CNTROB: variants seen among roughly 807,000 people sequenced by gnomAD.
CNTROB encodes centrobin.
In CNTROB, 82 loss-of-function variants were observed where a neutral mutation model predicts 115.7. The ratio of observed to expected loss-of-function variants is 0.71; its 90% CI spans 0.59 to 0.85. The LOEUF is 0.85. CNTROB is among the 40% of genes least tolerant of loss of function. The pLI is 0.00. For missense variants in CNTROB, 1,014 were observed against 1,144.4 expected (o/e 0.89, Z 1.64); for synonymous variants, 439 against 456.4 (o/e 0.96, Z 0.49).
chr17:7,938,487 G>A (rs11078717), intron 7 of CNTROB, among the ~76,000 whole-genome samples: 72,772 of 152,036 alleles, frequency 0.48, 17,988 homozygotes, highest in East Asian at 0.76. Context: ...ATTATAGGCT[G>A]GATATTCTAG....
chr17:7,948,714 T>C lies in CNTROB; in HGVS notation c.2513+95T>C. The C allele has an allele frequency of 1.9e-6, 3 of 1,611,788 alleles. No individual in the cohort carries two copies. Among genetic ancestry groups the C allele is most frequent in the Admixed American group, 3.3e-5 (2 of 59,960 alleles). ...TGTTTTACACTGAATTGAATCGTTG[T>C]CCTTTTCTGGGGAGGAAAGTGAAGG... On this transcript the variant is annotated intron_variant, in intron 17 of 18. Transcript: ENST00000563694. The surrounding 1 kb of genome is among the most constrained non-coding windows in gnomAD (Gnocchi z 4.4).
Position 7,933,110 on chromosome 17 carries a change from C to T in CNTROB, c.31C>T (p.Pro11Ser), listed in dbSNP as rs1262247380. ...AACATCAGCTGACAGCCCCAGTTCA[C>T]CCCTCGGGGCGGAGGATCTCCTGAG... MATSADSPSS[P>S]LGAEDLLSDS... The change falls in exon 1 of 19, where the codon CCC (proline) becomes TCC (serine). Residue 11 changes from proline to serine, a missense_variant. Coordinates refer to ENST00000563694, the MANE Select transcript of CNTROB (RefSeq NM_053051.5). The T allele has an allele frequency of 8.7e-6, 14 of 1,613,996 alleles. No homozygotes were observed. The highest frequency in any genetic ancestry group is 1.2e-5 in the Non-Finnish European group (14 of 1,180,008).
Position 7,943,567 on chromosome 17 carries a change from C to T in CNTROB, c.1445+43C>T, listed in dbSNP as rs780494696. The T allele has an allele frequency of 3.2e-5, 51 of 1,585,168 alleles. No homozygotes were observed. The Admixed American group carries it at 6.8e-4, about 21-fold the overall frequency. On this transcript the variant is annotated intron_variant, in intron 10 of 18. Coordinates refer to ENST00000563694, the MANE Select transcript of CNTROB (RefSeq NM_053051.5). This position sits in a 1 kb window ranked among gnomAD's most constrained non-coding sequence, Gnocchi z 4.7. ...GGTGTCACTTCTCTCAGCCACAGCA[C>T]GTATCGTTAGTGCCAGGCCTGTGTT... is the stretch of plus-strand genomic sequence containing the variant.
In CNTROB at chr17:7,944,678, C is replaced by CTATTTT. The variant is rs747649949; in HGVS notation, c.1734+54_1734+59dup. On this transcript the variant is annotated intron_variant, in intron 12 of 18. Coordinates refer to ENST00000563694, the MANE Select transcript of CNTROB (RefSeq NM_053051.5). This position sits in a 1 kb window ranked among gnomAD's most constrained non-coding sequence, Gnocchi z 4.0. ...TTGAGCTAAGCTTCTCCGTTATGTT[C>CTATTTT]TATTTTTATTTTTATTTTTGAGACA... The CTATTTT allele has an allele frequency of 6.9e-4, 1,074 of 1,565,282 alleles. No individual in the cohort carries two copies. Among genetic ancestry groups the CTATTTT allele is most frequent in the Non-Finnish European group, 8.5e-4 (984 of 1,154,112 alleles).
Position 7,948,101 on chromosome 17 carries a change from A to C in CNTROB, c.2210-56A>C. The stretch of plus-strand genomic sequence containing the variant: ...AGCCTTATAAATGCTGGGTGGTGGG[A>C]CTTCCTTGGTTCTATGCCCCATTTC... On this transcript the variant is annotated intron_variant, in intron 15 of 18. Transcript: ENST00000563694. The surrounding 1 kb of genome is among the most constrained non-coding windows in gnomAD (Gnocchi z 4.4). 6.2e-7 allele frequency: 1 copy of C among 1,606,588 alleles called. No individual in the cohort carries two copies. Among genetic ancestry groups the C allele is most frequent in the South Asian group, 1.1e-5 (1 of 90,882 alleles).
chr17:7,947,752 C>G, intron 14 of CNTROB, 30 bp downstream of exon 14: 1 of 1,601,538 alleles, frequency 6.2e-7, no homozygotes, highest in Non-Finnish European at 8.5e-7. Context: ...GACTAGCTCA[C>G]TTTCTTCTTC....
chr17:7,937,258 C>CT lies in CNTROB; in HGVS notation c.923_924insT (p.Leu309ThrfsTer36), dbSNP rs772475490. 6.2e-7 allele frequency: 1 copy of CT among 1,614,020 alleles called. No homozygotes were observed. Among genetic ancestry groups the CT allele is most frequent in the Admixed American group, 1.7e-5 (1 of 60,016 alleles). On this transcript the variant is annotated frameshift_variant, in exon 7 of 19. Coordinates refer to ENST00000563694, the MANE Select transcript of CNTROB (RefSeq NM_053051.5). LOFTEE classifies it high-confidence loss of function. The stretch of plus-strand genomic sequence containing the variant: ...AGACTGCAGCAACGGGAAAGAGAGA[C>CT]ACTGGTGAGAAGATTGGACTGGGTT...
chr17:7,944,429 T>A lies in CNTROB; in HGVS notation c.1572-47T>A. The A allele has an allele frequency of 6.2e-7, 1 of 1,602,426 alleles. No individual in the cohort carries two copies. Among genetic ancestry groups the A allele is most frequent in the Non-Finnish European group, 8.5e-7 (1 of 1,171,952 alleles). ...TCTGGCTCTTTTTAGCTCCCAAGTA[T>A]CTGCTTCCTTAAAGGCCCTGAGTCA... On this transcript the variant is annotated intron_variant, in intron 11 of 18. Transcript: ENST00000563694. This position sits in a 1 kb window ranked among gnomAD's most constrained non-coding sequence, Gnocchi z 4.0.
chr17:7,938,968 A>G (rs1486644128), intron 7 of CNTROB, among the ~76,000 whole-genome samples: 2 of 151,974 alleles, frequency 1.3e-5, no homozygotes, highest in African/African-American at 2.4e-5. Flanking sequence ...TAGTAGAGAC[A>G]TGGTTTCACC....
In CNTROB at chr17:7,944,917, C is replaced by T. The variant is rs1974347416; in HGVS notation, c.1734+279C>T. On this transcript the variant is annotated intron_variant, in intron 12 of 18. Transcript: ENST00000563694. This position sits in a 1 kb window ranked among gnomAD's most constrained non-coding sequence, Gnocchi z 4.0. Reference sequence around the variant, plus strand: ...GAAGTACTAAGTTCAGCTCCTAAGGCCTACATCAGGGGAGAAAAATCGGTG... The same window carrying T: ...GAAGTACTAAGTTCAGCTCCTAAGGTCTACATCAGGGGAGAAAAATCGGTG... Among the ~76,000 whole-genome samples the T allele has an allele frequency of 6.6e-6, 1 of 152,154 alleles. No individual in the cohort carries two copies.
In CNTROB at chr17:7,948,732, AG is replaced by A. The variant is rs1567941496; in HGVS notation, c.2513+114del. 6 of 1,608,466 alleles carry A rather than the reference AG, an allele frequency of 3.7e-6. No individual in the cohort carries two copies. The Admixed American group carries it at 6.7e-5, about 18-fold the overall frequency. On this transcript the variant is annotated intron_variant, in intron 17 of 18. Coordinates refer to ENST00000563694, the MANE Select transcript of CNTROB (RefSeq NM_053051.5). The surrounding 1 kb of genome is among the most constrained non-coding windows in gnomAD (Gnocchi z 4.4). The stretch of plus-strand genomic sequence containing the variant: ...ATCGTTGTCCTTTTCTGGGGAGGAA[AG>A]TGAAGGATGAGAGGTGGATCCACAG...
At chr17:7,942,864 C>T (rs111793121) in intron 9 of CNTROB, among the ~76,000 whole-genome samples, 22,007 of 125,752 alleles carry the variant, frequency 0.18, 2,174 homozygotes, top group East Asian at 0.37. Context: ...TGCAGTGGCG[C>T]GATCTCGGCT....
rs371958721 is a variant in CNTROB, at chr17:7,935,025, A to G, written c.474A>G (p.Ser158=). Residue 158 remains serine, a synonymous_variant, in exon 4 of 19, where the codon TCA becomes TCG. Transcript: ENST00000563694. ...RPLQDLSPSS[S]AQALEELFPR... Reference sequence around the variant, plus strand: ...TGCAAGACTTGTCTCCATCTAGCTCAGCCCAAGCCCTGGAGGAGCTGTTTC... The same window carrying G: ...TGCAAGACTTGTCTCCATCTAGCTCGGCCCAAGCCCTGGAGGAGCTGTTTC... 2 of 1,612,836 alleles carry G rather than the reference A, an allele frequency of 1.2e-6. No individual in the cohort carries two copies. The highest frequency in any genetic ancestry group is 1.7e-6 in the Non-Finnish European group (2 of 1,179,164).
rs1370946258 is a variant in CNTROB at position 7,949,669 on chromosome 17, T to A, written c.*159T>A. On this transcript the variant is annotated 3_prime_UTR_variant, in exon 19 of 19. Transcript: ENST00000563694. ...ACCACATTTGGTTGAGTACTTTTTTTATATGTTACATGTTTATATGTCATT... is the reference window on the plus strand; with the variant it reads ...ACCACATTTGGTTGAGTACTTTTTTAATATGTTACATGTTTATATGTCATT... The A allele has an allele frequency of 1.6e-6, 1 of 614,036 alleles. No homozygotes were observed. Among genetic ancestry groups the A allele is most frequent in the Non-Finnish European group, 2.6e-6 (1 of 382,708 alleles). The allele number at this position is 614,036 out of a possible 1,614,324, so 38.0% of individuals were successfully genotyped here.
rs773886135 is a variant in CNTROB at position 7,934,467 on chromosome 17, G to C, written c.358G>C (p.Asp120His). The C allele has an allele frequency of 1.2e-6, 2 of 1,614,080 alleles. No homozygotes were observed. The highest frequency in any genetic ancestry group is 3.3e-5 in the Admixed American group (2 of 60,028). ...LQTSRDTAYR[D>H]PLIPGAGSER... ...GGGGTCCCTCTGGCTGCCTGCAGGG[G>C]ATCCTCTCATTCCTGGCGCTGGCTC... Residue 120 changes from aspartate (D) to histidine (H), a missense_variant and splice_region_variant, in exon 3 of 19, where the codon GAT (aspartate) becomes CAT (histidine). By Grantham distance (81) the Asp-to-His change is moderately conservative. Transcript: ENST00000563694.
rs1368916232 is a variant in CNTROB, at chr17:7,943,328, A to G, written c.1312-63A>G. The G allele has an allele frequency of 7.0e-6, 9 of 1,277,868 alleles. No individual in the cohort carries two copies. The East Asian group carries it at 7.2e-5, about 10-fold the overall frequency. 79.2% of individuals were successfully genotyped at this position (1,277,868 alleles called of 1,614,324 possible). A position where few individuals can be genotyped will look rare whatever the true frequency, so the allele number is the denominator to read the frequency against. ...TGGTACTGGATTTTGTCTACATTAT[A>G]TCCTCCATCCTCTTCTAAGCCCAAA... is the stretch of plus-strand genomic sequence containing the variant. On this transcript the variant is annotated intron_variant, in intron 9 of 18. Coordinates refer to ENST00000563694, the MANE Select transcript of CNTROB (RefSeq NM_053051.5). The surrounding 1 kb of genome is among the most constrained non-coding windows in gnomAD (Gnocchi z 4.7).
intron 4 of CNTROB, among the ~76,000 whole-genome samples, chr17:7,935,363 A>G (rs151018867): frequency 5.6e-4 from 85 of 151,898 alleles, no homozygotes; most frequent in African/African-American, 2.0e-3. Flanking sequence ...TTAGCCGGGC[A>G]TGGTGGTGGG....
At chr17:7,946,113 C>T in intron 13 of CNTROB, 127 bp downstream of exon 13, 1 of 816,410 alleles carries the variant, frequency 1.2e-6, no homozygotes, top group Non-Finnish European at 2.0e-6. Context: ...TCGCAAGTTG[C>T]AAGGAGCAGA....
chr17:7,934,271 G>C, intron 2 of CNTROB, 49 bp downstream of exon 2: 1 of 1,555,956 alleles, frequency 6.4e-7, no homozygotes, highest in Non-Finnish European at 8.9e-7. Flanking sequence ...TAGATGTAAG[G>C]GGTGGGAGAA....
Sources: allele counts gnomAD v4.1 joint callset (sites outside exome capture counted in the v4.1 genomes callset), GRCh38; gene constraint gnomAD v4.1.1; non-coding constraint Gnocchi (gnomAD v3.1); transcripts MANE v1.5; gene names NCBI Gene and HGNC (gene_info 2026-07-23, HGNC 2026-07-21).